MPDZ: variants seen among roughly 807,000 people sequenced by gnomAD.
MPDZ encodes the protein multiple PDZ domain protein.
A neutral mutation model predicts 239.1 loss-of-function variants in MPDZ; 234 were observed. The observed-to-expected ratio is 0.98, with a 90% CI of 0.88 to 1.09. The LOEUF is 1.09. Ranked by LOEUF, MPDZ falls within the 50% of genes least tolerant of loss-of-function variation. The probability of loss-of-function intolerance (pLI) is 0.00; values close to 1 mark genes in which losing one functional copy is unlikely to be tolerated. For synonymous variants in MPDZ, 1,048 were observed against 881.3 expected (o/e 1.19, Z -3.35); for missense variants, 3,175 against 2,510.0 (o/e 1.26, Z -5.66).
Position 13,190,577 on chromosome 9 carries a change from G to A in MPDZ, c.1969-278C>T, listed in dbSNP as rs568472802. On this transcript the variant is annotated intron_variant, in intron 15 of 46. Transcript: ENST00000319217. ...TTATATCTCGACAGCAGGATTGTGC[G>A]TGACTGTCACTTTTTTCATCAGTGT... 5.9e-5 allele frequency among the ~76,000 whole-genome samples: 9 copies of A among 152,184 alleles called. No individual in the cohort carries two copies. The South Asian group carries it at 1.0e-3, about 18-fold the overall frequency.
chr9:13,226,681 T>C (rs1960718117), intron 3 of MPDZ, among the ~76,000 whole-genome samples: 1 of 150,162 alleles, frequency 6.7e-6, no homozygotes, highest in African/African-American at 2.5e-5. Flanking sequence ...ATGGCACTCA[T>C]TACCACCTGA....
At chr9:13,117,397 G>A (rs1021027500) in intron 39 of MPDZ, among the ~76,000 whole-genome samples, 4 of 152,056 alleles carry the variant, frequency 2.6e-5, no homozygotes, top group African/African-American at 7.2e-5. Flanking sequence ...TGGGCGTGGT[G>A]GCAGGCGCCT....
chr9:13,205,180 T>C (rs1304627564), intron 11 of MPDZ, 73 bp from the exon 12 acceptor site: 2 of 794,162 alleles, frequency 2.5e-6, no homozygotes, highest in Non-Finnish European at 3.7e-6. Flanking sequence ...AAACCCAGTA[T>C]ATTTATTTGA....
chr9:13,183,344 C>G, intron 19 of MPDZ, 74 bp downstream of exon 19: 1 of 1,190,194 alleles, frequency 8.4e-7, no homozygotes, highest in Non-Finnish European at 1.2e-6. Flanking sequence ...CCCACAACTC[C>G]CCATAAGGAC....
intron 1 of MPDZ, among the ~76,000 whole-genome samples, chr9:13,269,497 G>C (rs1438192396): frequency 6.6e-6 from 1 of 152,042 alleles, no homozygotes; most frequent in African/African-American, 2.4e-5. Flanking sequence ...ATGAAATAGT[G>C]TACATATAGA....
At chr9:13,271,578 C>G (rs1374710764) in intron 1 of MPDZ, among the ~76,000 whole-genome samples, 1 of 152,166 alleles carries the variant, frequency 6.6e-6, no homozygotes, top group African/African-American at 2.4e-5. Flanking sequence ...TGGGTCTCTT[C>G]TTTTCTGCGT....
At chr9:13,167,891 G>A (rs1267817170) in intron 22 of MPDZ, among the ~76,000 whole-genome samples, 2 of 152,124 alleles carry the variant, frequency 1.3e-5, no homozygotes, top group African/African-American at 2.4e-5. Flanking sequence ...GGGGTCATGA[G>A]ATAGCTCAAG....
intron 1 of MPDZ, among the ~76,000 whole-genome samples, chr9:13,273,026 G>A (rs961534439): frequency 6.6e-6 from 1 of 152,076 alleles, no homozygotes; most frequent in Non-Finnish European, 1.5e-5. Context: ...TGGGATTAGT[G>A]CCCTTATAAA....
chr9:13,255,155 T>G (rs187027585), intron 1 of MPDZ, among the ~76,000 whole-genome samples: 44 of 152,318 alleles, frequency 2.9e-4, no homozygotes, highest in Admixed American at 2.9e-3. Context: ...ACCACTTTCT[T>G]TACTCATCCA....
At chr9:13,168,980 C>G (rs536504451) in intron 21 of MPDZ, among the ~76,000 whole-genome samples, 3 of 152,110 alleles carry the variant, frequency 2.0e-5, no homozygotes, top group Non-Finnish European at 2.9e-5. Flanking sequence ...CAATTATCCG[C>G]TATTACCTTA....
chr9:13,236,561 G>T (rs1030892900), intron 3 of MPDZ, among the ~76,000 whole-genome samples: 6 of 151,488 alleles, frequency 4.0e-5, no homozygotes, highest in African/African-American at 1.2e-4. Flanking sequence ...GATTACAGGC[G>T]TGAGCCACTG....
At chr9:13,137,634 T>C (rs1947014408) in intron 29 of MPDZ, among the ~76,000 whole-genome samples, 1 of 152,144 alleles carries the variant, frequency 6.6e-6, no homozygotes, top group South Asian at 2.1e-4. Flanking sequence ...GGGGAATGAC[T>C]GGTCACTTGG....
At chr9:13,199,517 C>T (rs538779338) in intron 12 of MPDZ, among the ~76,000 whole-genome samples, 1 of 152,000 alleles carries the variant, frequency 6.6e-6, no homozygotes, top group African/African-American at 2.4e-5. Flanking sequence ...ACCGCTCTGG[C>T]AAGGACTTGC....
chr9:13,155,924 C>T (rs886691208), intron 24 of MPDZ, among the ~76,000 whole-genome samples: 2 of 152,106 alleles, frequency 1.3e-5, no homozygotes, highest in East Asian at 1.9e-4. Context: ...AGGTATTCTT[C>T]ACGTAAGGTT....
At chr9:13,261,800 G>C (rs908631621) in intron 1 of MPDZ, among the ~76,000 whole-genome samples, 2 of 149,978 alleles carry the variant, frequency 1.3e-5, no homozygotes, top group African/African-American at 2.5e-5. Context: ...GAGAAGCCAA[G>C]GTGAGAGGAT....
chr9:13,205,417 G>T (rs1956878286), intron 11 of MPDZ, among the ~76,000 whole-genome samples: 1 of 152,108 alleles, frequency 6.6e-6, no homozygotes, highest in African/African-American at 2.4e-5. Context: ...AAACCCCTGA[G>T]CTACACAGGG....
At chr9:13,207,953 C>A (rs1957178353) in intron 10 of MPDZ, among the ~76,000 whole-genome samples, 1 of 152,110 alleles carries the variant, frequency 6.6e-6, no homozygotes, top group Non-Finnish European at 1.5e-5. Context: ...AAATTTAATG[C>A]TGAAATTCAA....
rs140704662 is a variant in MPDZ, at chr9:13,245,394, T to A, written c.183+2241A>T. 4.7e-3 allele frequency among the ~76,000 whole-genome samples: 706 copies of A among 150,184 alleles called. 5 individuals carry two copies. The highest frequency in any genetic ancestry group is 0.015 in the African/African-American group (625 of 41,066). ...AAAAGAAAATTCTTGGCATCTAGGGTTCAACTTTCTACCTTTGAAAAAAAA... is the reference window on the plus strand; with the variant it reads ...AAAAGAAAATTCTTGGCATCTAGGGATCAACTTTCTACCTTTGAAAAAAAA... On this transcript the variant is annotated intron_variant, in intron 3 of 46. Coordinates refer to ENST00000319217, the MANE Select transcript of MPDZ (RefSeq NM_001378778.1).
Position 13,247,807 on chromosome 9 carries a change from C to T in MPDZ, c.17-6G>A. The T allele has an allele frequency of 6.3e-7, 1 of 1,592,496 alleles. No homozygotes were observed. Among genetic ancestry groups the T allele is most frequent in the South Asian group, 1.1e-5 (1 of 89,620 alleles). ...ATGCAGGGCCCGATTTTTGTCTATACCAAAGAGCAGCATTTGTCAATAACA... is the reference window on the plus strand; with the variant it reads ...ATGCAGGGCCCGATTTTTGTCTATATCAAAGAGCAGCATTTGTCAATAACA... On this transcript the variant is annotated splice_region_variant and splice_polypyrimidine_tract_variant and intron_variant, in intron 2 of 46. Transcript: ENST00000319217.
Sources: allele counts gnomAD v4.1 joint callset (sites outside exome capture counted in the v4.1 genomes callset), GRCh38; gene constraint gnomAD v4.1.1; transcripts MANE v1.5; gene names NCBI Gene and HGNC (gene_info 2026-07-23, HGNC 2026-07-21).